RALYL: variants seen among roughly 807,000 people sequenced by gnomAD.
The protein encoded by RALYL is RALY RNA binding protein like.
A neutral mutation model predicts 35.1 loss-of-function variants in RALYL; 29 were observed. That is an observed-to-expected ratio of 0.83 (90% confidence interval 0.61 to 1.13). The LOEUF is 1.13. Ranked by LOEUF, RALYL falls within the 50% of genes most tolerant of loss-of-function variation. The pLI is 0.00. For synonymous variants in RALYL, 120 were observed against 127.6 expected (o/e 0.94, Z 0.40); for missense variants, 359 against 360.4 (o/e 1.00, Z 0.03).
intron 1 of RALYL, among the ~76,000 whole-genome samples, chr8:84,417,244 A>ACCTTTTC (rs1301421168): frequency 6.6e-6 from 1 of 152,072 alleles, no homozygotes; most frequent in Non-Finnish European, 1.5e-5. Flanking sequence ...GAGACTAGTG[A>ACCTTTTC]CCTTTTCTTA....
chr8:84,887,068 C>A (rs6473568), intron 7 of RALYL, among the ~76,000 whole-genome samples: 69,674 of 152,002 alleles, frequency 0.46, 18,992 homozygotes, highest in African/African-American at 0.75. Flanking sequence ...TTAAAATTTC[C>A]GGCAATTATT....
rs531585520 is a variant in RALYL, at chr8:84,554,334, T to A, written c.256+24757T>A. On this transcript the variant is annotated intron_variant, in intron 2 of 8. Coordinates refer to ENST00000521268, the MANE Select transcript of RALYL (RefSeq NM_173848.7). The stretch of plus-strand genomic sequence containing the variant: ...TTTGTTTTCCAACCAGAACATGTTC[T>A]CTTAAACATGAGAGTGCATCTTTTG... 1.6e-4 allele frequency among the ~76,000 whole-genome samples: 24 copies of A among 152,342 alleles called. 1 individual carries two copies. The South Asian group carries it at 3.3e-3, about 21-fold the overall frequency.
Position 84,469,633 on chromosome 8 carries a change from A to G in RALYL, c.-23-59666A>G, listed in dbSNP as rs1023852755. Reference sequence around the variant, plus strand: ...CCCCCAGAGGTGGAGCCTACAGAGGAAAGCAGGCCTCCTTGAGCTGTGGTG... The same window carrying G: ...CCCCCAGAGGTGGAGCCTACAGAGGGAAGCAGGCCTCCTTGAGCTGTGGTG... On this transcript the variant is annotated intron_variant, in intron 1 of 8. Transcript: ENST00000521268. Among the ~76,000 whole-genome samples, 8 of 152,150 alleles carry G rather than the reference A, an allele frequency of 5.3e-5. No individual in the cohort carries two copies. In the East Asian group the frequency reaches 1.4e-3, roughly 26 times the overall value.
At chr8:84,787,563 T>C (rs1225450083) in intron 3 of RALYL, among the ~76,000 whole-genome samples, 2 of 152,234 alleles carry the variant, frequency 1.3e-5, no homozygotes, top group South Asian at 4.1e-4. Flanking sequence ...AGTCAAATGA[T>C]ATTTCTGGTT....
rs540040030 is a variant in RALYL at position 84,361,111 on chromosome 8, T to C, written c.-23-168188T>C. Among the ~76,000 whole-genome samples the C allele has an allele frequency of 1.1e-4, 16 of 152,320 alleles. No individual in the cohort carries two copies. In the South Asian group the frequency reaches 3.3e-3, roughly 32 times the overall value. ...AAGCACTACTATTGGAAGGAAAATC[T>C]TAAATTCCTATTATATAGCTGAGTT... On this transcript the variant is annotated intron_variant, in intron 1 of 8. Transcript: ENST00000521268.
In RALYL at chr8:84,790,514, G is replaced by A. The variant is rs182501093; in HGVS notation, c.333-14256G>A. ...ATTAAAGATTCTTAATGGATCTGGTGCAGAAGGAAACATAAATTTGTGGAT... is the reference window on the plus strand; with the variant it reads ...ATTAAAGATTCTTAATGGATCTGGTACAGAAGGAAACATAAATTTGTGGAT... On this transcript the variant is annotated intron_variant, in intron 3 of 8. Coordinates refer to ENST00000521268, the MANE Select transcript of RALYL (RefSeq NM_173848.7). Among the ~76,000 whole-genome samples the A allele has an allele frequency of 5.9e-5, 9 of 152,234 alleles. No individual in the cohort carries two copies. In the East Asian group the frequency reaches 1.3e-3, roughly 23 times the overall value.
At chr8:84,298,419 T>C (rs1840173308) in intron 1 of RALYL, among the ~76,000 whole-genome samples, 1 of 152,012 alleles carries the variant, frequency 6.6e-6, no homozygotes, top group Non-Finnish European at 1.5e-5. Context: ...CATTGTCTAT[T>C]GTGTTTGTAT....
chr8:84,330,223 CAT>C (rs1313586675), intron 1 of RALYL, among the ~76,000 whole-genome samples: 3 of 151,940 alleles, frequency 2.0e-5, no homozygotes, highest in Non-Finnish European at 2.9e-5. Flanking sequence ...GTGAGTGAAA[CAT>C]ATTAGCTACA....
intron 4 of RALYL, among the ~76,000 whole-genome samples, chr8:84,809,214 G>T (rs1472350424): frequency 6.6e-6 from 1 of 152,098 alleles, no homozygotes; most frequent in Non-Finnish European, 1.5e-5. Context: ...TTTGTCAGAT[G>T]CTTTTTCTGC....
At chr8:84,468,726 T>C (rs1469099439) in intron 1 of RALYL, among the ~76,000 whole-genome samples, 1 of 151,080 alleles carries the variant, frequency 6.6e-6, no homozygotes, top group African/African-American at 2.4e-5. Context: ...CTGGATAATA[T>C]CCTGCAGAGT....
intron 2 of RALYL, among the ~76,000 whole-genome samples, chr8:84,575,874 A>C (rs1252213): frequency 0.3 from 45,480 of 151,450 alleles, 7,659 homozygotes; most frequent in African/African-American, 0.46. Context: ...CACCTGTAAT[A>C]TCAGGTAATT....
chr8:84,779,242 C>A (rs1163728662), intron 3 of RALYL, among the ~76,000 whole-genome samples: 1 of 152,214 alleles, frequency 6.6e-6, no homozygotes, highest in Non-Finnish European at 1.5e-5. Context: ...TGCCAACTTT[C>A]AATTAATGCT....
At chr8:84,916,599 C>T (rs2135749677) in intron 8 of RALYL, among the ~76,000 whole-genome samples, 1 of 152,138 alleles carries the variant, frequency 6.6e-6, no homozygotes, top group South Asian at 2.1e-4. Context: ...CTCCTCCTTG[C>T]CTTCTGCCAT....
intron 1 of RALYL, among the ~76,000 whole-genome samples, chr8:84,367,027 A>G (rs1197076337): frequency 6.6e-6 from 1 of 151,896 alleles, no homozygotes; most frequent in Non-Finnish European, 1.5e-5. Flanking sequence ...GTTCGGGGAA[A>G]AAAAACACTC....
chr8:84,352,112 C>T (rs1046697371), intron 1 of RALYL, among the ~76,000 whole-genome samples: 3 of 150,284 alleles, frequency 2.0e-5, no homozygotes, highest in Non-Finnish European at 4.4e-5. Context: ...AAATTTTTAT[C>T]CACAATATAT....
Position 84,671,485 on chromosome 8 carries a change from A to T in RALYL, c.257-103094A>T, listed in dbSNP as rs147886863. Among the ~76,000 whole-genome samples, 576 of 152,300 alleles carry T rather than the reference A, an allele frequency of 3.8e-3. 6 individuals are homozygous for T. The highest frequency in any genetic ancestry group is 0.013 in the African/African-American group (546 of 41,574). ...GTCAGAGGTTCTCAATGAGGGCCCC[A>T]TCCCTGCAGCAAACTTCTGCCTGAA... On this transcript the variant is annotated intron_variant, in intron 2 of 8. Transcript: ENST00000521268.
At chr8:84,394,530 CA>C (rs1861375389) in intron 1 of RALYL, among the ~76,000 whole-genome samples, 1 of 151,874 alleles carries the variant, frequency 6.6e-6, no homozygotes, top group South Asian at 2.1e-4. Flanking sequence ...GGTGATTTAG[CA>C]ATAATATGAT....
At chr8:84,375,777 C>T (rs1165616258) in intron 1 of RALYL, among the ~76,000 whole-genome samples, 2 of 151,716 alleles carry the variant, frequency 1.3e-5, no homozygotes, top group African/African-American at 2.4e-5. Flanking sequence ...TGTCATCCAA[C>T]GAAGATTTTG....
intron 1 of RALYL, among the ~76,000 whole-genome samples, chr8:84,357,485 G>T (rs1257178305): frequency 1.3e-5 from 2 of 151,910 alleles, no homozygotes; most frequent in Non-Finnish European, 2.9e-5. Context: ...AACACTAATT[G>T]TAAGGTTAAA....
Sources: allele counts gnomAD v4.1 joint callset (sites outside exome capture counted in the v4.1 genomes callset), GRCh38; gene constraint gnomAD v4.1.1; transcripts MANE v1.5; gene names NCBI Gene and HGNC (gene_info 2026-07-23, HGNC 2026-07-21).